Variants in MARCHF1 observed in about 807,000 individuals in gnomAD.
MARCHF1 encodes the protein membrane associated ring-CH-type finger 1.
Under a neutral mutation model 54.2 loss-of-function variants are expected in MARCHF1, and 40 were observed. The ratio of observed to expected loss-of-function variants is 0.74; its 90% CI spans 0.57 to 0.96. The LOEUF (loss-of-function observed/expected upper bound fraction) is 0.96, where lower values mean the gene tolerates loss of function less well. Among genes scored for constraint, MARCHF1 ranks in the 40% least tolerant of loss-of-function variants. MARCHF1 has a pLI of 0.00. For synonymous variants in MARCHF1, 236 were observed against 236.3 expected (o/e 1.00, Z 0.01); for missense variants, 586 against 656.5 (o/e 0.89, Z 1.17).
chr4:163,724,159 C>T (rs1745574164), intron 4 of MARCHF1, among the ~76,000 whole-genome samples: 1 of 152,158 alleles, frequency 6.6e-6, no homozygotes, highest in Non-Finnish European at 1.5e-5. Flanking sequence ...GTGGTTTTAT[C>T]TACCTTTGGT....
At chr4:163,816,230 A>G (rs1748527666) in intron 4 of MARCHF1, among the ~76,000 whole-genome samples, 1 of 152,206 alleles carries the variant, frequency 6.6e-6, no homozygotes, top group Non-Finnish European at 1.5e-5. Context: ...TTGGCTAGGT[A>G]AGGAAATAAA....
intron 3 of MARCHF1, among the ~76,000 whole-genome samples, chr4:163,892,804 G>A (rs1234236622): frequency 1.3e-5 from 2 of 152,086 alleles, no homozygotes; most frequent in African/African-American, 4.8e-5. Flanking sequence ...TAGTAGGAAA[G>A]TGCTAGTTAT....
At chr4:163,589,233 G>T (rs1740507536) in intron 7 of MARCHF1, among the ~76,000 whole-genome samples, 2 of 152,052 alleles carry the variant, frequency 1.3e-5, no homozygotes, top group Non-Finnish European at 2.9e-5. Context: ...CAGAGACCTT[G>T]CTGGTTACTG....
At chr4:164,124,192 T>C (rs1029684049) in intron 1 of MARCHF1, among the ~76,000 whole-genome samples, 3 of 151,384 alleles carry the variant, frequency 2.0e-5, no homozygotes, top group Non-Finnish European at 2.9e-5. Context: ...CAAATCAAAA[T>C]TACAATGAAA....
At chr4:163,786,726 AG>A (rs1747631454) in intron 4 of MARCHF1, among the ~76,000 whole-genome samples, 1 of 151,982 alleles carries the variant, frequency 6.6e-6, no homozygotes, top group African/African-American at 2.4e-5. Flanking sequence ...TTTCAGAAAT[AG>A]AAAAATCATC....
intron 2 of MARCHF1, among the ~76,000 whole-genome samples, chr4:164,094,504 A>T (rs1755368116): frequency 6.6e-6 from 1 of 152,154 alleles, no homozygotes; most frequent in South Asian, 2.1e-4. Context: ...ACCTGCCTCC[A>T]TTGCCATAAG....
intron 1 of MARCHF1, among the ~76,000 whole-genome samples, chr4:164,191,525 ATTC>A (rs1431993432): frequency 6.6e-6 from 1 of 152,118 alleles, no homozygotes; most frequent in Non-Finnish European, 1.5e-5. Flanking sequence ...AGTATCATTT[ATTC>A]TTCTTTTTGC....
At chr4:163,907,153 C>A (rs1335119802) in intron 3 of MARCHF1, among the ~76,000 whole-genome samples, 1 of 151,962 alleles carries the variant, frequency 6.6e-6, no homozygotes, top group African/African-American at 2.4e-5. Context: ...TATGCTCAAT[C>A]ACATTAACTG....
intron 2 of MARCHF1, among the ~76,000 whole-genome samples, chr4:164,057,028 C>G (rs1400487130): frequency 6.6e-6 from 1 of 152,086 alleles, no homozygotes; most frequent in Non-Finnish European, 1.5e-5. Flanking sequence ...TGTCACACCC[C>G]AGAAAGATAA....
At chr4:163,575,565 T>C (rs1034589672) in intron 8 of MARCHF1, among the ~76,000 whole-genome samples, 1 of 152,120 alleles carries the variant, frequency 6.6e-6, no homozygotes, top group African/African-American at 2.4e-5. Flanking sequence ...GCTGGCTTCA[T>C]AGAATGAGTT....
chr4:163,940,070 T>C (rs2110746839), intron 3 of MARCHF1, among the ~76,000 whole-genome samples: 1 of 152,220 alleles, frequency 6.6e-6, no homozygotes, highest in South Asian at 2.1e-4. Flanking sequence ...GAAATAATTT[T>C]CTTCCTCTCT....
At chr4:164,320,822 T>C (rs1225074366) in intron 1 of MARCHF1, among the ~76,000 whole-genome samples, 2 of 151,896 alleles carry the variant, frequency 1.3e-5, no homozygotes, top group South Asian at 2.1e-4. Flanking sequence ...TGGGGGGTTG[T>C]AGGTTGGGAA....
intron 1 of MARCHF1, among the ~76,000 whole-genome samples, chr4:164,265,666 G>A (rs1354126846): frequency 6.6e-6 from 1 of 152,034 alleles, no homozygotes; most frequent in African/African-American, 2.4e-5. Context: ...GGCACCTGCT[G>A]AAGCCTGCTG....
intron 1 of MARCHF1, chr4:164,129,967 T>C (rs1756266903): frequency 6.6e-6 from 1 of 152,154 alleles, no homozygotes; most frequent in African/African-American, 2.4e-5. Context: ...AAGAAAATTG[T>C]CCTAAACAAT....
intron 1 of MARCHF1, among the ~76,000 whole-genome samples, chr4:164,273,482 T>A (rs1359751495): frequency 2.0e-5 from 3 of 152,140 alleles, no homozygotes; most frequent in African/African-American, 7.2e-5. Context: ...TCAGTAGGCA[T>A]GTGTTGAATT....
At chr4:164,278,291 T>G (rs1242478517) in intron 1 of MARCHF1, among the ~76,000 whole-genome samples, 1 of 152,116 alleles carries the variant, frequency 6.6e-6, no homozygotes, top group African/African-American at 2.4e-5. Flanking sequence ...GCCTGGGTAA[T>G]AGAGTAAGAC....
intron 3 of MARCHF1, among the ~76,000 whole-genome samples, chr4:163,895,482 G>T (rs1750785643): frequency 6.6e-6 from 1 of 152,152 alleles, no homozygotes; most frequent in Non-Finnish European, 1.5e-5. Flanking sequence ...ATCACACTCT[G>T]CCACCTAAAC....
intron 1 of MARCHF1, among the ~76,000 whole-genome samples, chr4:164,330,433 A>T (rs1250302378): frequency 6.6e-6 from 1 of 152,158 alleles, no homozygotes; most frequent in Non-Finnish European, 1.5e-5. Context: ...TGCTGCCAAG[A>T]GCCTGGTGCA....
chr4:163,815,409 T>C (rs1221628721), intron 4 of MARCHF1, among the ~76,000 whole-genome samples: 1 of 152,246 alleles, frequency 6.6e-6, no homozygotes, highest in Non-Finnish European at 1.5e-5. Flanking sequence ...GCATCTATTA[T>C]GAGTAATGCA....
Sources: allele counts gnomAD v4.1 joint callset (sites outside exome capture counted in the v4.1 genomes callset), GRCh38; gene constraint gnomAD v4.1.1; transcripts MANE v1.5; gene names NCBI Gene and HGNC (gene_info 2026-07-23, HGNC 2026-07-21).